The following SEMA4D variants were observed in gnomAD, a reference collection of about 807,000 sequenced individuals.
SEMA4D encodes semaphorin 4D, also known as semaphorin-4D.
SEMA4D carries 22 observed loss-of-function variants against 74.8 expected under a neutral mutation model. The ratio of observed to expected loss-of-function variants is 0.29; its 90% CI spans 0.21 to 0.42. The LOEUF (loss-of-function observed/expected upper bound fraction) is 0.42. Among genes scored for constraint, SEMA4D ranks in the 10% least tolerant of loss-of-function variants. The pLI is 1.00. For missense variants in SEMA4D, 937 were observed against 1,118.4 expected, an observed-to-expected ratio of 0.84 and a Z score of 2.31; for synonymous variants, 445 against 463.7, an observed-to-expected ratio of 0.96 and a Z score of 0.52.
rs960593029 is a variant in SEMA4D at position 89,399,220 on chromosome 9, A to G, written c.315+56T>C. 17 of 1,473,162 alleles carry G rather than the reference A, an allele frequency of 1.2e-5. No individual in the cohort carries two copies. The African/African-American group carries it at 2.1e-4, about 18-fold the overall frequency. The allele number at this position is 1,473,162 out of a possible 1,614,324, so 91.3% of individuals were successfully genotyped here. A position where few individuals can be genotyped will look rare whatever the true frequency, so the allele number is the denominator to read the frequency against. On this transcript the variant is annotated intron_variant, in intron 5 of 15. Coordinates refer to ENST00000422704, the MANE Select transcript of SEMA4D (RefSeq NM_001371194.2). ...CAGGCATGCTGGCATTCAGTAGATT[A>G]AAACAACCAAGAAATACTTGAATGG...
chr9:89,373,211 C>G (rs570558965), downstream of SEMA4D, among the ~76,000 whole-genome samples: 38 of 152,202 alleles, frequency 2.5e-4, no homozygotes, highest in African/African-American at 9.2e-4. Flanking sequence ...CCGCACCCCA[C>G]GTTGGGCCCT....
In SEMA4D at chr9:89,379,135, G is replaced by T. The variant is rs1233639011; in HGVS notation, c.2158C>A (p.Leu720Ile). The change falls in exon 16 of 16, where the codon CTC becomes ATC. Residue 720 changes from leucine (L) to isoleucine (I), a missense_variant. Coordinates refer to ENST00000422704, the MANE Select transcript of SEMA4D (RefSeq NM_001371194.2). ...PKIVINTVPQ[L>I]HSEKTMYLKS... ...AGATACATGGTTTTCTCCGAGTGGA[G>T]CTGGGGGACCGTGTTGATGACGATC... 6.2e-7 allele frequency: 1 copy of T among 1,614,246 alleles called. No individual in the cohort carries two copies. The highest frequency in any genetic ancestry group is 2.2e-5 in the East Asian group (1 of 44,888).
At chr9:89,386,948 C>T (rs908318779) in intron 12 of SEMA4D, among the ~76,000 whole-genome samples, 7 of 152,242 alleles carry the variant, frequency 4.6e-5, no homozygotes, top group Non-Finnish European at 2.9e-5. Flanking sequence ...TCCAGAAGTG[C>T]TTATTTCAGA....
intron 4 of SEMA4D, among the ~76,000 whole-genome samples, chr9:89,400,956 G>A (rs953842342): frequency 2.6e-5 from 4 of 152,178 alleles, no homozygotes; most frequent in African/African-American, 7.2e-5. Flanking sequence ...TCAGGAAGGC[G>A]CTCAGAGGAA....
chr9:89,417,647 G>A, intron 2 of SEMA4D, among the ~76,000 whole-genome samples: 1 of 152,156 alleles, frequency 6.6e-6, no homozygotes, highest in East Asian at 1.9e-4. Context: ...ATCTGAGGAG[G>A]GTGACCTGGA....
intron 1 of SEMA4D, among the ~76,000 whole-genome samples, chr9:89,488,436 G>A (rs1286605400): frequency 2.1e-5 from 3 of 139,722 alleles, no homozygotes; most frequent in African/African-American, 8.0e-5. Context: ...GCAATGGTGC[G>A]ATCTCAGCTC....
At position 89,391,388 on chromosome 9, in the gene SEMA4D, A is replaced by G. The variant is rs1839833162; in HGVS notation, c.650T>C (p.Ile217Thr). Residue 217 changes from isoleucine to threonine, a missense_variant, in exon 9 of 16, where the codon ATC becomes ACC. Physicochemically the swap from Ile to Thr is moderately conservative, Grantham distance 89. Transcript: ENST00000422704. The part of the protein sequence containing the change: ...NEPSFVFADV[I>T]RKSPDSPDGE... ...GTCGGGGCTGTCTGGGCTTTTTCGG[A>G]TCACGTCAGCAAACACGAAACTAGG... The G allele has an allele frequency of 6.2e-7, 1 of 1,614,130 alleles. No homozygotes were observed. Among genetic ancestry groups the G allele is most frequent in the Admixed American group, 1.7e-5 (1 of 60,004 alleles).
At chr9:89,473,140 G>A (rs888339093) in intron 1 of SEMA4D, among the ~76,000 whole-genome samples, 2 of 152,156 alleles carry the variant, frequency 1.3e-5, no homozygotes, top group Admixed American at 1.3e-4. Flanking sequence ...TTAAGATACT[G>A]TAAGATATCT....
rs138867489 is a variant in SEMA4D, at chr9:89,391,385, C to T, written c.653G>A (p.Arg218Gln). 79 of 1,614,242 alleles carry T rather than the reference C, an allele frequency of 4.9e-5. No homozygotes were observed. The highest frequency in any genetic ancestry group is 3.3e-4 in the Middle Eastern group (2 of 6,060). The change falls in exon 9 of 16, where the codon CGA (arginine) becomes CAA (glutamine). Residue 218 changes from arginine to glutamine, a missense_variant. Physicochemically the swap from Arg to Gln is conservative, Grantham distance 43. Transcript: ENST00000422704. The stretch of plus-strand genomic sequence containing the variant: ...GCCGTCGGGGCTGTCTGGGCTTTTT[C>T]GGATCACGTCAGCAAACACGAAACT... ...EPSFVFADVI[R>Q]KSPDSPDGED...
chr9:89,361,843 T>C (rs1463745664), exon 19 of SEMA4D: 1 of 158,478 alleles, frequency 6.3e-6, no homozygotes, highest in Non-Finnish European at 1.4e-5. Flanking sequence ...GGCATTTCCA[T>C]GTGGAGTCTC....
chr9:89,362,306 T>C, exon 19 of SEMA4D: 2 of 1,605,772 alleles, frequency 1.2e-6, no homozygotes, highest in Non-Finnish European at 1.7e-6. Flanking sequence ...CAGTTCACAG[T>C]TGTGGGGGAC....
At chr9:89,432,935 G>A (rs556552968) in intron 2 of SEMA4D, among the ~76,000 whole-genome samples, 1 of 152,314 alleles carries the variant, frequency 6.6e-6, no homozygotes, top group South Asian at 2.1e-4. Flanking sequence ...TATTCACAAG[G>A]GCCAGAAATC....
intron 1 of SEMA4D, among the ~76,000 whole-genome samples, chr9:89,488,932 C>A (rs867879034): frequency 6.6e-6 from 1 of 152,070 alleles, no homozygotes; most frequent in Non-Finnish European, 1.5e-5. Flanking sequence ...GTAAAGAACA[C>A]CTACAACTCA....
intron 2 of SEMA4D, among the ~76,000 whole-genome samples, chr9:89,430,093 T>A (rs760353726): frequency 6.6e-6 from 1 of 151,966 alleles, no homozygotes. Context: ...CAGGCTGGGA[T>A]GGCAAGTCAT....
chr9:89,433,858 T>C (rs10752658), intron 2 of SEMA4D, among the ~76,000 whole-genome samples: 106,101 of 152,076 alleles, frequency 0.7, 37,565 homozygotes, highest in Middle Eastern at 0.78. Context: ...CATACCCCAG[T>C]AGCTCCGCAC....
At chr9:89,476,692 T>C (rs1861833920) in intron 1 of SEMA4D, among the ~76,000 whole-genome samples, 1 of 152,212 alleles carries the variant, frequency 6.6e-6, no homozygotes, top group Non-Finnish European at 1.5e-5. Flanking sequence ...CGCATACACA[T>C]GCACACACCC....
At chr9:89,486,028 G>A (rs968214112) in intron 1 of SEMA4D, among the ~76,000 whole-genome samples, 3 of 152,110 alleles carry the variant, frequency 2.0e-5, no homozygotes, top group Non-Finnish European at 4.4e-5. Flanking sequence ...TCCATGAGAC[G>A]GATAGAGTTT....
intron 2 of SEMA4D, among the ~76,000 whole-genome samples, chr9:89,433,884 C>T: frequency 6.6e-6 from 1 of 152,224 alleles, no homozygotes; most frequent in Non-Finnish European, 1.5e-5. Context: ...GTGGGTCACA[C>T]TGGGCAGCTC....
At chr9:89,414,993 T>C (rs1845399038) in intron 2 of SEMA4D, among the ~76,000 whole-genome samples, 1 of 152,348 alleles carries the variant, frequency 6.6e-6, no homozygotes, top group Non-Finnish European at 1.5e-5. Context: ...GGCATCCATC[T>C]ATCAGCAATG....
Sources: gnomAD v4.1 joint callset for allele counts (sites outside exome capture counted in the v4.1 genomes callset) on GRCh38, gnomAD v4.1.1 for gene constraint, MANE v1.5 for transcripts, NCBI Gene and HGNC (gene_info 2026-07-23, HGNC 2026-07-21) for gene names.